The following TMEM217 variants were observed in gnomAD, a reference collection of about 807,000 sequenced individuals.
TMEM217 encodes the protein chromosome 6 open reading frame 128.
For synonymous variants in TMEM217, 76 were observed against 88.3 expected (o/e 0.86, Z 0.78); for missense variants, 204 against 248.8 (o/e 0.82, Z 1.21).
intron 1 of TMEM217, among the ~76,000 whole-genome samples, chr6:37,226,544 G>A (rs1415672635): frequency 2.0e-5 from 3 of 150,764 alleles, no homozygotes; most frequent in South Asian, 2.1e-4. Flanking sequence ...TGATCCGCCC[G>A]CCTCGGCCAC....
intron 1 of TMEM217, among the ~76,000 whole-genome samples, chr6:37,248,117 CCAAT>C (rs990672721): frequency 6.7e-4 from 102 of 152,226 alleles, no homozygotes; most frequent in African/African-American, 2.4e-3. Flanking sequence ...CCTCAGCTTC[CCAAT>C]CAGAGAGGAT....
exon 2 of TMEM217, chr6:37,217,975 G>A (rs896583532): frequency 9.1e-6 from 9 of 988,310 alleles, no homozygotes; most frequent in Middle Eastern, 5.2e-4. Flanking sequence ...AGGATGTTCC[G>A]GTTGTGATTA....
intron 1 of TMEM217, among the ~76,000 whole-genome samples, chr6:37,232,759 G>T (rs73417851): frequency 0.067 from 10,189 of 152,112 alleles, 1,099 homozygotes; most frequent in African/African-American, 0.23. Flanking sequence ...CCTGCCCTCC[G>T]CGGAATCTTC....
intron 1 of TMEM217, among the ~76,000 whole-genome samples, chr6:37,250,491 A>C (rs1423480622): frequency 6.6e-6 from 1 of 152,260 alleles, no homozygotes; most frequent in Non-Finnish European, 1.5e-5. Flanking sequence ...CATTGCTGTG[A>C]GGATAAGTTG....
chr6:37,233,792 A>C (rs1764339934), intron 1 of TMEM217, among the ~76,000 whole-genome samples: 2 of 152,184 alleles, frequency 1.3e-5, no homozygotes, highest in South Asian at 4.1e-4. Flanking sequence ...CTAACTAACT[A>C]ACTAACTAAG....
rs529318889 is a variant in TMEM217 at position 37,235,515 on chromosome 6, G to A, written c.-11-16474C>T. Among the ~76,000 whole-genome samples, 33 of 152,150 alleles carry A rather than the reference G, an allele frequency of 2.2e-4. No individual in the cohort carries two copies. The South Asian group carries it at 5.0e-3, about 23-fold the overall frequency. ...TGAGTAGCTGGGACTACAGGCACCC[G>A]CCACCACGCCTGGCTAATTTTTTCT... On this transcript the variant is annotated intron_variant, in intron 1 of 1. Transcript: ENST00000357219.
At chr6:37,214,693 C>T (rs145550252), downstream of TMEM217, among the ~76,000 whole-genome samples, 395 of 152,328 alleles carry the variant, frequency 2.6e-3, 3 homozygotes, top group Non-Finnish European at 4.6e-3. Context: ...ATTTGTCCTT[C>T]GGTATCTGGC....
chr6:37,236,940 G>T lies in TMEM217; in HGVS notation c.-11-17899C>A, dbSNP rs190735990. ...GGAGGCCTCAGTGCCCATCCATGTG[G>T]GCTTCTCCATGGTCTCTCTGTGTGG... On this transcript the variant is annotated intron_variant, in intron 1 of 1. Transcript: ENST00000357219. Among the ~76,000 whole-genome samples the T allele has an allele frequency of 1.2e-4, 18 of 152,226 alleles. No homozygotes were observed. The East Asian group carries it at 3.5e-3, about 29-fold the overall frequency.
At chr6:37,220,165 T>C (rs1401090657) in intron 1 of TMEM217, among the ~76,000 whole-genome samples, 1 of 152,198 alleles carries the variant, frequency 6.6e-6, no homozygotes, top group Non-Finnish European at 1.5e-5. Flanking sequence ...CTGGTTAGGT[T>C]ATTTGGGCTG....
rs546615999 is a variant in TMEM217 at position 37,235,513 on chromosome 6, C to T, written c.-11-16472G>A. Among the ~76,000 whole-genome samples, 27 of 152,174 alleles carry T rather than the reference C, an allele frequency of 1.8e-4. No individual in the cohort carries two copies. In the South Asian group the frequency reaches 5.0e-3, roughly 28 times the overall value. ...CCTGAGTAGCTGGGACTACAGGCAC[C>T]CGCCACCACGCCTGGCTAATTTTTT... On this transcript the variant is annotated intron_variant, in intron 1 of 1. Coordinates refer to ENST00000357219, the Ensembl canonical transcript of TMEM217.
Position 37,250,302 on chromosome 6 carries a change from CT to C in TMEM217, c.-12+7265del, listed in dbSNP as rs1299577850. Among the ~76,000 whole-genome samples, 4 of 152,250 alleles carry C rather than the reference CT, an allele frequency of 2.6e-5. No homozygotes were observed. The East Asian group carries it at 7.7e-4, about 29-fold the overall frequency. On this transcript the variant is annotated intron_variant, in intron 1 of 1. Transcript: ENST00000357219. ...CCCATAGGAAGGGACCCCTAAGAGG[CT>C]TCTAAGGTATTGGTAATATCCTGTT... is the stretch of plus-strand genomic sequence containing the variant.
At chr6:37,239,670 T>C (rs1764666476) in intron 1 of TMEM217, among the ~76,000 whole-genome samples, 1 of 152,128 alleles carries the variant, frequency 6.6e-6, no homozygotes, top group Non-Finnish European at 1.5e-5. Context: ...TCTCATCAAG[T>C]TGACTTGTGA....
chr6:37,232,167 T>C (rs982266190), intron 1 of TMEM217, among the ~76,000 whole-genome samples: 4 of 152,156 alleles, frequency 2.6e-5, no homozygotes, highest in Admixed American at 2.6e-4. Context: ...GATTAATGGG[T>C]ACAAAAGGAC....
At chr6:37,257,339 T>C (rs1431320695) in intron 1 of TMEM217, among the ~76,000 whole-genome samples, 1 of 152,126 alleles carries the variant, frequency 6.6e-6, no homozygotes, top group African/African-American at 2.4e-5. Flanking sequence ...GAAAAACGAA[T>C]GGACATGTAA....
exon 2 of TMEM217, chr6:37,217,707 A>G: frequency 1.0e-6 from 1 of 985,388 alleles, no homozygotes; most frequent in South Asian, 4.7e-5. Context: ...TGGGGAAATC[A>G]TAGCACAAAC....
rs1763663958 is a variant in TMEM217 at position 37,223,747 on chromosome 6, G to C, written c.-11-4706C>G. Among the ~76,000 whole-genome samples the C allele has an allele frequency of 2.0e-5, 3 of 152,124 alleles. No individual in the cohort carries two copies. The South Asian group carries it at 6.2e-4, about 31-fold the overall frequency. On this transcript the variant is annotated intron_variant, in intron 1 of 1. Transcript: ENST00000357219. Reference sequence around the variant, plus strand: ...TGCTCTCAAACTCCTGACCTCAGGTGATCTGCCACCTTGGCCTCCCAAAGT... The same window carrying C: ...TGCTCTCAAACTCCTGACCTCAGGTCATCTGCCACCTTGGCCTCCCAAAGT...
chr6:37,252,035 A>G (rs1312603161), intron 1 of TMEM217, among the ~76,000 whole-genome samples: 1 of 152,176 alleles, frequency 6.6e-6, no homozygotes, highest in Non-Finnish European at 1.5e-5. Flanking sequence ...CTGGGATTAC[A>G]GGCATGCGCC....
intron 1 of TMEM217, among the ~76,000 whole-genome samples, chr6:37,230,543 A>G (rs953855818): frequency 2.0e-5 from 3 of 152,194 alleles, no homozygotes; most frequent in Non-Finnish European, 4.4e-5. Context: ...AGAAGAGAAG[A>G]TTAGGACACA....
intron 1 of TMEM217, among the ~76,000 whole-genome samples, chr6:37,233,917 A>AT (rs1379398874): frequency 6.6e-6 from 1 of 152,136 alleles, no homozygotes; most frequent in East Asian, 1.9e-4. Context: ...AGCCATTCTG[A>AT]TTTTCACTTT....
Sources: gnomAD v4.1 joint callset for allele counts (sites outside exome capture counted in the v4.1 genomes callset) on GRCh38, gnomAD v4.1.1 for gene constraint, MANE v1.5 for transcripts, NCBI Gene and HGNC (gene_info 2026-07-23, HGNC 2026-07-21) for gene names.